The following HAGH variants were observed in gnomAD, a reference collection of about 807,000 sequenced individuals.
The protein encoded by HAGH is hydroxyacylglutathione hydrolase, mitochondrial.
Under a neutral mutation model 35.1 loss-of-function variants are expected in HAGH, and 29 were observed. That is an observed-to-expected ratio of 0.83 (90% CI 0.62 to 1.13). The LOEUF is 1.13. HAGH is among the 50% of genes most tolerant of loss of function. HAGH has a pLI of 0.00. For missense variants in HAGH, 478 were observed against 419.6 expected (o/e 1.14, Z -1.22); for synonymous variants, 225 against 176.1 (o/e 1.28, Z -2.20).
At chr16:1,822,038 G>C in intron 3 of HAGH, 1 of 424,052 alleles carries the variant, frequency 2.4e-6, no homozygotes, top group Non-Finnish European at 4.3e-6. Context: ...AAACCCGCAT[G>C]GCCCAGGAGA....
Position 1,821,939 on chromosome 16 carries a change from T to A in HAGH, c.314+361A>T, listed in dbSNP as rs544774004. 1.5e-3 allele frequency: 270 copies of A among 181,336 alleles called. 3 individuals carry two copies. The highest frequency in any genetic ancestry group is 6.7e-3 in the African/African-American group (256 of 38,174). 11.2% of individuals were successfully genotyped at this position (181,336 alleles called of 1,614,324 possible). A position where few individuals can be genotyped will look rare whatever the true frequency, so the allele number is the denominator to read the frequency against. On this transcript the variant is annotated intron_variant, in intron 3 of 8. Transcript: ENST00000397356. ...CCGTGCCCGGCTGGCTGCTTGTTTT[T>A]TTTTGTTTTTTTGTTTTTTTTTTTT...
chr16:1,811,644 C>G (rs941009353), intron 7 of HAGH, among the ~76,000 whole-genome samples: 1 of 150,912 alleles, frequency 6.6e-6, no homozygotes, highest in Non-Finnish European at 1.5e-5. Flanking sequence ...ACCCGGGAGG[C>G]GGAGGCTGCA....
chr16:1,826,878 C>T, upstream of HAGH: 1 of 835,900 alleles, frequency 1.2e-6, no homozygotes, highest in Non-Finnish European at 1.6e-6. Context: ...CCTCGCGCTG[C>T]CCTCAGCCAA....
At chr16:1,826,857 AT>A, upstream of HAGH, 1 of 973,764 alleles carries the variant, frequency 1.0e-6, no homozygotes, top group East Asian at 3.3e-5. Context: ...GTCGCAGCCA[AT>A]CAGCGCCCGC....
chr16:1,824,549 G>A lies in HAGH; in HGVS notation c.77-1512C>T, dbSNP rs141233805. On this transcript the variant is annotated intron_variant, in intron 1 of 8. Transcript: ENST00000397356. ...CAATACCTTCAGTTCCGCTCTACAC[G>A]GGGAAGAAACCACAGAAGGTGGCAG... Among the ~76,000 whole-genome samples, 319 of 152,300 alleles carry A rather than the reference G, an allele frequency of 2.1e-3. 1 individual carries two copies. Among genetic ancestry groups the A allele is most frequent in the Non-Finnish European group, 3.8e-3 (259 of 68,030 alleles).
intron 7 of HAGH, among the ~76,000 whole-genome samples, chr16:1,815,727 C>G (rs1348218280): frequency 5.3e-5 from 8 of 152,124 alleles, no homozygotes; most frequent in Non-Finnish European, 1.5e-5. Context: ...CCACTCAAGA[C>G]AGACACACGG....
In HAGH at chr16:1,809,821, T is replaced by C; in HGVS notation, c.760A>G (p.Ile254Val). Residue 254 changes from isoleucine to valine, a missense_variant, in exon 8 of 9, where the codon ATC becomes GTC. Transcript: ENST00000397356. ...GTGGATGGCACTGTGGGCTCCCCGA[T>C]GCTGTACTTCTCCTGCAAGAGAAAC... ...KLAWAKEKYS[I>V]GEPTVPSTLA... The C allele has an allele frequency of 6.2e-7, 1 of 1,613,472 alleles. No individual in the cohort carries two copies. Among genetic ancestry groups the C allele is most frequent in the Non-Finnish European group, 8.5e-7 (1 of 1,179,416 alleles).
intron 7 of HAGH, chr16:1,811,022 G>A (rs902593920): frequency 1.3e-5 from 2 of 152,236 alleles, no homozygotes; most frequent in Admixed American, 6.5e-5. Flanking sequence ...TAAAACAGAG[G>A]AAGTACAAAT....
At chr16:1,825,742 TTTG>T (rs1393751018) in intron 1 of HAGH, among the ~76,000 whole-genome samples, 1 of 152,084 alleles carries the variant, frequency 6.6e-6, no homozygotes, top group Admixed American at 6.5e-5. Context: ...CCCGGCTGAT[TTTG>T]TTTAGTTTTT....
chr16:1,814,463 A>C (rs1350866378), intron 7 of HAGH, among the ~76,000 whole-genome samples: 4 of 149,430 alleles, frequency 2.7e-5, no homozygotes, highest in Admixed American at 6.6e-5. Flanking sequence ...AACAAGAGTG[A>C]AACTCCGTCT....
Position 1,826,760 on chromosome 16 carries a change from G to A in HAGH, c.28C>T (p.Arg10Cys), listed in dbSNP as rs1898453616. 8 of 1,207,274 alleles carry A rather than the reference G, an allele frequency of 6.6e-6. No individual in the cohort carries two copies. The highest frequency in any genetic ancestry group is 7.2e-6 in the Non-Finnish European group (7 of 972,264). The allele number at this position is 1,207,274 out of a possible 1,614,324, so 74.8% of individuals were successfully genotyped here. Reference protein sequence around the residue: MVVGRGLLGRRSLAALGAAC... With the variant: MVVGRGLLGCRSLAALGAAC... The stretch of plus-strand genomic sequence containing the variant: ...GCTCCCAGCGCGGCGAGGCTGCGGC[G>A]GCCGAGCAGCCCTCGGCCCACCACC... The change falls in exon 1 of 9, where the codon CGC (arginine) becomes TGC (cysteine). Residue 10 changes from arginine (R) to cysteine (C), a missense_variant. Transcript: ENST00000397356.
intron 7 of HAGH, among the ~76,000 whole-genome samples, chr16:1,811,351 C>T (rs985473905): frequency 1.1e-4 from 17 of 152,060 alleles, no homozygotes; most frequent in African/African-American, 3.9e-4. Context: ...GAGGTGGAGG[C>T]TGCAGCGAGC....
At chr16:1,816,689 C>CCTA (rs1478020929) in intron 7 of HAGH, among the ~76,000 whole-genome samples, 1 of 152,234 alleles carries the variant, frequency 6.6e-6, no homozygotes, top group Non-Finnish European at 1.5e-5. Flanking sequence ...GCGTCTGAGG[C>CCTA]CTACTCCAGA....
chr16:1,814,789 T>G (rs1227295601), intron 7 of HAGH, among the ~76,000 whole-genome samples: 1 of 151,834 alleles, frequency 6.6e-6, no homozygotes, highest in Non-Finnish European at 1.5e-5. Context: ...TCCCAGCTAC[T>G]TGGGAGGCTG....
intron 5 of HAGH, among the ~76,000 whole-genome samples, chr16:1,817,727 G>T (rs950835967): frequency 6.6e-6 from 1 of 151,590 alleles, no homozygotes; most frequent in Non-Finnish European, 1.5e-5. Flanking sequence ...GGCCCACACC[G>T]CTGGGCACCT....
Position 1,822,290 on chromosome 16 carries a change from C to A in HAGH, c.314+10G>T, listed in dbSNP as rs200291195. Reference sequence around the variant, plus strand: ...AGGTCCCACACCCCCAGGTGAGACGCGGCACTTACCAGTGGTGGTGGGTGG... The same window carrying A: ...AGGTCCCACACCCCCAGGTGAGACGAGGCACTTACCAGTGGTGGTGGGTGG... On this transcript the variant is annotated intron_variant, in intron 3 of 8. Transcript: ENST00000397356. The A allele has an allele frequency of 1.3e-6, 2 of 1,594,850 alleles. No homozygotes were observed. The highest frequency in any genetic ancestry group is 8.6e-7 in the Non-Finnish European group (1 of 1,163,348).
At chr16:1,810,546 C>T (rs56091477) in intron 7 of HAGH, 12,164 of 152,600 alleles carry the variant, frequency 0.08, 536 homozygotes, top group South Asian at 0.18. Context: ...GTCTCCCTTC[C>T]GACCAGCACT....
At chr16:1,810,787 T>C (rs755963060) in intron 7 of HAGH, 64 of 152,450 alleles carry the variant, frequency 4.2e-4, no homozygotes, top group African/African-American at 1.5e-3. Flanking sequence ...CCACCCGCTA[T>C]GGGCAGTGGT....
intron 7 of HAGH, among the ~76,000 whole-genome samples, chr16:1,812,791 G>A (rs1897716536): frequency 6.6e-6 from 1 of 152,210 alleles, no homozygotes; most frequent in Non-Finnish European, 1.5e-5. Flanking sequence ...ACCAGAGGCC[G>A]CAGAATGGGA....
Sources: gnomAD v4.1 joint callset for allele counts (sites outside exome capture counted in the v4.1 genomes callset) on GRCh38, gnomAD v4.1.1 for gene constraint, MANE v1.5 for transcripts, NCBI Gene and HGNC (gene_info 2026-07-23, HGNC 2026-07-21) for gene names.